The following NKAIN2 variants were observed in gnomAD, a reference collection of about 807,000 sequenced individuals.
The protein encoded by NKAIN2 is sodium/potassium transporting ATPase interacting 2.
Under a neutral mutation model 32.6 loss-of-function variants are expected in NKAIN2, and 14 were observed. The ratio of observed to expected loss-of-function variants is 0.43; its 90% CI spans 0.28 to 0.67. The LOEUF (loss-of-function observed/expected upper bound fraction) is 0.67, where lower values mean the gene tolerates loss of function less well. Among genes scored for constraint, NKAIN2 ranks in the 30% least tolerant of loss-of-function variants. NKAIN2 has a pLI of 0.17. For missense variants in NKAIN2, 198 were observed against 258.3 expected, an observed-to-expected ratio of 0.77 and a Z score of 1.60; for synonymous variants, 80 against 87.2, an observed-to-expected ratio of 0.92 and a Z score of 0.46.
At chr6:124,144,970 A>G (rs1181711914) in intron 1 of NKAIN2, among the ~76,000 whole-genome samples, 1 of 152,216 alleles carries the variant, frequency 6.6e-6, no homozygotes, top group South Asian at 2.1e-4. Flanking sequence ...GGCAAAAGAC[A>G]TGGTCAGACA....
chr6:124,388,257 C>T (rs1014076952), intron 3 of NKAIN2, among the ~76,000 whole-genome samples: 6 of 151,966 alleles, frequency 3.9e-5, no homozygotes, highest in Non-Finnish European at 8.8e-5. Context: ...CATCAGGACA[C>T]TGTTAGGTTT....
At chr6:124,466,957 TAATG>T (rs1776784581) in intron 3 of NKAIN2, among the ~76,000 whole-genome samples, 1 of 152,048 alleles carries the variant, frequency 6.6e-6, no homozygotes, top group Non-Finnish European at 1.5e-5. Flanking sequence ...GTGTGGATAA[TAATG>T]CCCTTTTCAT....
At chr6:124,557,426 T>C (rs1278167448) in intron 3 of NKAIN2, among the ~76,000 whole-genome samples, 1 of 152,196 alleles carries the variant, frequency 6.6e-6, no homozygotes, top group Non-Finnish European at 1.5e-5. Flanking sequence ...AAGGTAATCC[T>C]ACTTTTCCAA....
At chr6:124,736,348 T>G (rs1448571252) in intron 4 of NKAIN2, among the ~76,000 whole-genome samples, 2 of 151,944 alleles carry the variant, frequency 1.3e-5, no homozygotes, top group Admixed American at 1.3e-4. Context: ...AAGCAGCAAG[T>G]GCTGATATAG....
intron 1 of NKAIN2, among the ~76,000 whole-genome samples, chr6:123,887,793 T>C (rs1408493164): frequency 2.6e-5 from 4 of 152,134 alleles, no homozygotes; most frequent in African/African-American, 7.2e-5. Flanking sequence ...TGCCCTATTA[T>C]CTATCATTTC....
intron 2 of NKAIN2, among the ~76,000 whole-genome samples, chr6:124,353,477 G>A (rs1282975300): frequency 6.6e-6 from 1 of 152,130 alleles, no homozygotes; most frequent in Non-Finnish European, 1.5e-5. Flanking sequence ...GGCACAGGCC[G>A]GGCGTGGTGG....
At chr6:124,480,406 A>T in intron 3 of NKAIN2, among the ~76,000 whole-genome samples, 1 of 152,154 alleles carries the variant, frequency 6.6e-6, no homozygotes, top group East Asian at 1.9e-4. Flanking sequence ...AGCCTACGGT[A>T]TGTGGCAAGG....
rs1780355295 is a variant in NKAIN2, at chr6:124,803,384, TCTCA to T, written c.535+11988_535+11991del. On this transcript the variant is annotated intron_variant, in intron 5 of 6. Transcript: ENST00000368417. ...TTCTGCCTGATCCAGGACACTGAGC[TCTCA>T]CTGTCTTCATTCTTGACCATTCACT... Among the ~76,000 whole-genome samples, 6 of 152,306 alleles carry T rather than the reference TCTCA, an allele frequency of 3.9e-5. No homozygotes were observed. In the South Asian group the frequency reaches 1.2e-3, roughly 32 times the overall value.
At position 124,255,119 on chromosome 6, in the gene NKAIN2, T is replaced by C. The variant is rs566160088; in HGVS notation, c.55-27886T>C. ...CAGGGTGATAATTGCTCAGAACTCA[T>C]TGTGGCTCATTTCTTTATAATGCCC... On this transcript the variant is annotated intron_variant, in intron 1 of 6. Coordinates refer to ENST00000368417, the MANE Select transcript of NKAIN2 (RefSeq NM_001040214.3). Among the ~76,000 whole-genome samples, 16 of 152,292 alleles carry C rather than the reference T, an allele frequency of 1.1e-4. No individual in the cohort carries two copies. The East Asian group carries it at 2.9e-3, about 28-fold the overall frequency.
At chr6:124,815,933 C>T (rs7746291) in intron 5 of NKAIN2, among the ~76,000 whole-genome samples, 7,126 of 152,164 alleles carry the variant, frequency 0.047, 550 homozygotes, top group African/African-American at 0.16. Flanking sequence ...AATATGATAA[C>T]TCCTATTTTA....
At chr6:124,190,108 A>G (rs1789941643) in intron 1 of NKAIN2, among the ~76,000 whole-genome samples, 1 of 152,174 alleles carries the variant, frequency 6.6e-6, no homozygotes, top group Non-Finnish European at 1.5e-5. Flanking sequence ...AACAATTCAG[A>G]CCTTGGCCCA....
At chr6:123,911,450 A>G (rs1775173305) in intron 1 of NKAIN2, among the ~76,000 whole-genome samples, 1 of 151,908 alleles carries the variant, frequency 6.6e-6, no homozygotes, top group South Asian at 2.1e-4. Flanking sequence ...GGGAGCTCTC[A>G]AGGACACTAA....
intron 3 of NKAIN2, among the ~76,000 whole-genome samples, chr6:124,358,954 G>T (rs1260031792): frequency 2.3e-4 from 35 of 150,514 alleles, no homozygotes; most frequent in African/African-American, 8.2e-4. Flanking sequence ...TTTGTATAAG[G>T]TGTAAGGAAG....
chr6:124,048,157 C>A (rs1782230727), intron 1 of NKAIN2, among the ~76,000 whole-genome samples: 1 of 151,946 alleles, frequency 6.6e-6, no homozygotes, highest in African/African-American at 2.4e-5. Context: ...TGCACACTGC[C>A]CCTCATTGGA....
At chr6:124,071,202 G>A (rs904029685) in intron 1 of NKAIN2, among the ~76,000 whole-genome samples, 11 of 152,256 alleles carry the variant, frequency 7.2e-5, no homozygotes, top group South Asian at 4.1e-4. Context: ...ACAAAAATAA[G>A]CCATGGGGAA....
intron 1 of NKAIN2, among the ~76,000 whole-genome samples, chr6:124,159,758 C>T (rs776114569): frequency 1.1e-4 from 16 of 152,048 alleles, no homozygotes; most frequent in East Asian, 1.9e-4. Context: ...GAAACCCAAG[C>T]GCAAGAGGCT....
intron 1 of NKAIN2, among the ~76,000 whole-genome samples, chr6:123,886,183 G>A (rs932254562): frequency 3.9e-5 from 6 of 152,066 alleles, no homozygotes; most frequent in Admixed American, 1.3e-4. Context: ...AACCTTTCAA[G>A]TTGATAGTTT....
intron 3 of NKAIN2, among the ~76,000 whole-genome samples, chr6:124,530,528 A>G (rs1056098493): frequency 3.9e-5 from 6 of 152,164 alleles, no homozygotes; most frequent in Non-Finnish European, 8.8e-5. Flanking sequence ...AAGTCTGCAC[A>G]TAAATGGACC....
At chr6:124,143,061 G>T (rs1297314288) in intron 1 of NKAIN2, among the ~76,000 whole-genome samples, 1 of 152,122 alleles carries the variant, frequency 6.6e-6, no homozygotes, top group Non-Finnish European at 1.5e-5. Context: ...GAAGAGCCAA[G>T]AACATCTTTT....
Sources: gnomAD v4.1 joint callset for allele counts (sites outside exome capture counted in the v4.1 genomes callset) on GRCh38, gnomAD v4.1.1 for gene constraint, MANE v1.5 for transcripts, NCBI Gene and HGNC (gene_info 2026-07-23, HGNC 2026-07-21) for gene names.